Variants in SAMD3 observed in about 807,000 individuals in gnomAD.
SAMD3 encodes sterile alpha motif domain-containing protein 3.
In SAMD3, 63 loss-of-function variants were observed where a neutral mutation model predicts 58.5. That is an observed-to-expected ratio of 1.08 (90% CI 0.88 to 1.33). The LOEUF is 1.33. Ranked by LOEUF, SAMD3 falls within the 40% of genes most tolerant of loss-of-function variation. The pLI, the probability that SAMD3 is intolerant of heterozygous loss-of-function variation, is 0.00. For missense variants in SAMD3, 604 were observed against 608.4 expected (o/e 0.99, Z 0.08); for synonymous variants, 220 against 210.3 (o/e 1.05, Z -0.40).
At chr6:130,348,549 C>A (rs1324512734) in intron 1 of SAMD3, among the ~76,000 whole-genome samples, 2 of 152,070 alleles carry the variant, frequency 1.3e-5, no homozygotes, top group Non-Finnish European at 2.9e-5. Context: ...ATATATGCAC[C>A]CAATACAAGA....
At chr6:130,231,631 A>C (rs1376954514) in intron 2 of SAMD3, among the ~76,000 whole-genome samples, 1 of 152,190 alleles carries the variant, frequency 6.6e-6, no homozygotes, top group African/African-American at 2.4e-5. Context: ...AGTATAAATT[A>C]ATTAGACATA....
intron 2 of SAMD3, among the ~76,000 whole-genome samples, chr6:130,275,570 A>C (rs1774746398): frequency 6.6e-6 from 1 of 152,106 alleles, no homozygotes; most frequent in South Asian, 2.1e-4. Flanking sequence ...TGTATATAGC[A>C]ATCTATTTAT....
At chr6:130,251,889 A>C (rs1400441709) in intron 2 of SAMD3, among the ~76,000 whole-genome samples, 1 of 151,918 alleles carries the variant, frequency 6.6e-6, no homozygotes, top group Admixed American at 6.6e-5. Context: ...GAATAATCTG[A>C]TCCTGAGGGT....
intron 8 of SAMD3, among the ~76,000 whole-genome samples, chr6:130,170,936 T>C (rs1289083516): frequency 6.6e-6 from 1 of 152,222 alleles, no homozygotes; most frequent in Non-Finnish European, 1.5e-5. Flanking sequence ...TCTTTATTTC[T>C]TTCTCTTGCC....
intron 4 of SAMD3, among the ~76,000 whole-genome samples, chr6:130,213,799 T>C (rs1795784043): frequency 6.6e-6 from 1 of 152,188 alleles, no homozygotes; most frequent in Non-Finnish European, 1.5e-5. Context: ...TTTTGGGGTG[T>C]TTCATAGTGT....
intron 1 of SAMD3, among the ~76,000 whole-genome samples, chr6:130,353,740 A>G (rs1384499535): frequency 6.6e-6 from 1 of 152,220 alleles, no homozygotes; most frequent in Non-Finnish European, 1.5e-5. Flanking sequence ...AGAAGGAAAG[A>G]TCAAACTAAC....
At chr6:130,272,790 C>G (rs1009134318) in intron 2 of SAMD3, among the ~76,000 whole-genome samples, 1 of 152,194 alleles carries the variant, frequency 6.6e-6, no homozygotes, top group Non-Finnish European at 1.5e-5. Context: ...GTGATCCTCC[C>G]AGCTCAGCTT....
intron 2 of SAMD3, among the ~76,000 whole-genome samples, chr6:130,288,173 T>G (rs1315289908): frequency 6.6e-6 from 1 of 152,146 alleles, no homozygotes; most frequent in Admixed American, 6.5e-5. Context: ...TATCTATACA[T>G]CTATATAGAG....
At chr6:130,217,808 G>A (rs1796076038) in intron 1 of SAMD3, among the ~76,000 whole-genome samples, 1 of 152,182 alleles carries the variant, frequency 6.6e-6, no homozygotes, top group Admixed American at 6.5e-5. Context: ...TCCAAAAGCT[G>A]AGACAACAAA....
chr6:130,150,102 T>TGTGTGTGTGCGCGC (rs1789011078), intron 9 of SAMD3, among the ~76,000 whole-genome samples: 1 of 146,028 alleles, frequency 6.8e-6, no homozygotes, highest in Non-Finnish European at 1.5e-5. Flanking sequence ...TTGGTTCATG[T>TGTGTGTGTGCGCGC]GTGTGTGTGT....
intron 1 of SAMD3, among the ~76,000 whole-genome samples, chr6:130,347,502 C>T (rs572037896): frequency 2.6e-5 from 4 of 152,108 alleles, no homozygotes; most frequent in East Asian, 3.9e-4. Context: ...ATGAATGAAA[C>T]GAAGTGAGAA....
In SAMD3 at chr6:130,256,202, G is replaced by A. The variant is rs193065160; in HGVS notation, c.-187-33389C>T. ...GGTTTGGACTCTTGATTTCATTGAT[G>A]AGCTGCTTAATTAATTGTGGAACTC... On this transcript the variant is annotated intron_variant, in intron 2 of 13. Coordinates refer to the SAMD3 transcript ENST00000368134. Among the ~76,000 whole-genome samples the A allele has an allele frequency of 3.3e-5, 5 of 151,914 alleles. No homozygotes were observed. In the East Asian group the frequency reaches 9.7e-4, roughly 29 times the overall value.
chr6:130,268,480 T>C (rs1200801859), intron 2 of SAMD3, among the ~76,000 whole-genome samples: 5 of 152,192 alleles, frequency 3.3e-5, no homozygotes, highest in African/African-American at 4.8e-5. Flanking sequence ...AATAATGCCC[T>C]AGGCCTTCAT....
chr6:130,198,533 A>G (rs1794353352), intron 5 of SAMD3, among the ~76,000 whole-genome samples: 1 of 152,142 alleles, frequency 6.6e-6, no homozygotes, highest in South Asian at 2.1e-4. Flanking sequence ...CAGACATAAA[A>G]TTGTCACCTT....
chr6:130,355,783 G>A (rs1478280509), intron 1 of SAMD3, among the ~76,000 whole-genome samples: 2 of 152,132 alleles, frequency 1.3e-5, no homozygotes, highest in Non-Finnish European at 2.9e-5. Flanking sequence ...GACAAGAGGG[G>A]CAGCCCCAGA....
intron 2 of SAMD3, among the ~76,000 whole-genome samples, chr6:130,308,405 A>ATTCTATTCTATTCTATTCTATTCT (rs1776013337): frequency 7.9e-6 from 1 of 126,436 alleles, no homozygotes; most frequent in Admixed American, 7.8e-5. Context: ...ATTCTATTCT[A>ATTCTATTCTATTCTATTCTATTCT]TTCTATTCTA....
chr6:130,218,558 A>G (rs1172957017), intron 1 of SAMD3, among the ~76,000 whole-genome samples: 1 of 152,258 alleles, frequency 6.6e-6, no homozygotes. Flanking sequence ...CTAGATAGAT[A>G]GCCCAAAGTG....
chr6:130,289,287 C>G (rs576096876), intron 2 of SAMD3, among the ~76,000 whole-genome samples: 2 of 152,288 alleles, frequency 1.3e-5, no homozygotes, highest in East Asian at 1.9e-4. Flanking sequence ...GGACTCCATA[C>G]GTATTTGAAA....
chr6:130,337,552 G>A (rs1316416240), intron 1 of SAMD3, among the ~76,000 whole-genome samples: 1 of 152,190 alleles, frequency 6.6e-6, no homozygotes, highest in Non-Finnish European at 1.5e-5. Flanking sequence ...TGGGTAATAG[G>A]CAGAGGTAGG....
Sources: allele counts gnomAD v4.1 joint callset (sites outside exome capture counted in the v4.1 genomes callset), GRCh38; gene constraint gnomAD v4.1.1; transcripts MANE v1.5; gene names NCBI Gene and HGNC (gene_info 2026-07-23, HGNC 2026-07-21).